The following SUMF2 variants were observed in gnomAD, a reference collection of about 807,000 sequenced individuals.
SUMF2 encodes sulfatase modifying factor 2.
SUMF2 carries 45 observed loss-of-function variants against 44.8 expected under a neutral mutation model. The observed-to-expected ratio is 1.00, with a 90% confidence interval of 0.79 to 1.29. The LOEUF (loss-of-function observed/expected upper bound fraction) is 1.29. SUMF2 is among the 50% of genes most tolerant of loss of function. SUMF2 has a pLI of 0.00. For synonymous variants in SUMF2, 148 were observed against 150.4 expected, an observed-to-expected ratio of 0.98 and a Z score of 0.12; for missense variants, 418 against 389.9, an observed-to-expected ratio of 1.07 and a Z score of -0.61.
the SUMF2 span, among the ~76,000 whole-genome samples, chr7:56,086,248 G>A: frequency 2.6e-5 from 4 of 151,902 alleles, no homozygotes; most frequent in Non-Finnish European, 5.9e-5. Flanking sequence ...ACCCCCAGTG[G>A]ATGCCTGAAA....
chr7:56,076,484 C>A, intron 5 of SUMF2: 1 of 192,520 alleles, frequency 5.2e-6, no homozygotes, highest in Non-Finnish European at 1.1e-5. Context: ...TTAATATGAC[C>A]TGTGAGGTTG....
chr7:56,079,867 A>T lies in SUMF2; in HGVS notation c.*255A>T, dbSNP rs892232418. On this transcript the variant is annotated 3_prime_UTR_variant, in exon 9 of 9. Coordinates refer to ENST00000434526, the MANE Select transcript of SUMF2 (RefSeq NM_015411.4). ...GTGTTTCTGTTAGAGGCCAAGTATT[A>T]TTGACACAGGATTGCAAACACACAA... The T allele has an allele frequency of 6.5e-7, 1 of 1,544,470 alleles. No individual in the cohort carries two copies. Among genetic ancestry groups the T allele is most frequent in the Non-Finnish European group, 8.8e-7 (1 of 1,142,714 alleles).
intron 1 of SUMF2, among the ~76,000 whole-genome samples, chr7:56,066,082 C>CAAAAAAAAAAAAAAAAAAAAAAAAA (rs71015176): frequency 1.4e-5 from 1 of 69,686 alleles, no homozygotes; most frequent in African/African-American, 5.6e-5. Flanking sequence ...CTCCGCCTCA[C>CAAAAAAAAAAAAAAAAAAAAAAAAA]AAAAAAAAAA....
At chr7:56,064,407 G>C in intron 1 of SUMF2, 29 bp downstream of exon 1, 8 of 1,586,088 alleles carry the variant, frequency 5.0e-6, no homozygotes, top group Non-Finnish European at 6.9e-6. Context: ...CATCCTGGGG[G>C]CGCTGGGAAG....
In SUMF2 at chr7:56,072,902, T is replaced by C; in HGVS notation, c.225-95T>C. 7 of 823,556 alleles carry C rather than the reference T, an allele frequency of 8.5e-6. No individual in the cohort carries two copies. The South Asian group carries it at 9.4e-5, about 11-fold the overall frequency. The allele number at this position is 823,556 out of a possible 1,614,324, so 51.0% of individuals were successfully genotyped here. The stretch of plus-strand genomic sequence containing the variant: ...CATGAACACTCTGTGGTGTATAACT[T>C]ACAGGACAGGGATATCTGAAGTTTC... On this transcript the variant is annotated intron_variant, in intron 2 of 8. Coordinates refer to ENST00000434526, the MANE Select transcript of SUMF2 (RefSeq NM_015411.4).
intron 2 of SUMF2, 60 bp from the exon 3 acceptor site, chr7:56,072,937 G>C: frequency 7.9e-7 from 1 of 1,269,592 alleles, no homozygotes; most frequent in Non-Finnish European, 1.1e-6. Context: ...CCTGGAGCAG[G>C]AGAAGATGGG....
intron 5 of SUMF2, among the ~76,000 whole-genome samples, chr7:56,075,549 A>T (rs1429802231): frequency 4.0e-5 from 6 of 151,718 alleles, no homozygotes; most frequent in African/African-American, 1.2e-4. Flanking sequence ...ACAAAAAAAA[A>T]TTAGCTGGGC....
At chr7:56,087,810 C>G in the SUMF2 span, 3 of 1,579,886 alleles carry the variant, frequency 1.9e-6, no homozygotes, top group Admixed American at 3.4e-5. Flanking sequence ...CCTCGGGGGG[C>G]CCCTCACCCC....
chr7:56,082,464 G>A (rs183275286), downstream of SUMF2, among the ~76,000 whole-genome samples: 36 of 152,214 alleles, frequency 2.4e-4, no homozygotes, highest in African/African-American at 8.2e-4. Context: ...GTGGTGGCAT[G>A]TGCCTGTAGT....
chr7:56,071,785 A>AAAAT (rs71015179), intron 2 of SUMF2, among the ~76,000 whole-genome samples: 32,198 of 144,982 alleles, frequency 0.22, 3,676 homozygotes, highest in East Asian at 0.42. Context: ...ACTCCGTCTA[A>AAAAT]AAATAAATAA....
At chr7:56,066,293 G>C (rs751836772) in intron 1 of SUMF2, among the ~76,000 whole-genome samples, 4 of 152,088 alleles carry the variant, frequency 2.6e-5, no homozygotes, top group Non-Finnish European at 4.4e-5. Context: ...TGCATCAGCT[G>C]AAGCAGTATG....
downstream of SUMF2, chr7:56,083,474 C>A: frequency 6.2e-7 from 1 of 1,611,502 alleles, no homozygotes; most frequent in Non-Finnish European, 8.5e-7. Context: ...TACTCTTCCT[C>A]TGCTCAGGGT....
chr7:56,079,987 T>TTG lies in SUMF2; in HGVS notation c.*377_*378dup, dbSNP rs1795873222. On this transcript the variant is annotated 3_prime_UTR_variant, in exon 9 of 9. Transcript: ENST00000434526. Reference sequence around the variant, plus strand: ...CCCTGGATGATTCAGGAAGCTGACATTGTTTCCTCAAGGCAGAATTTTCCT... The same window carrying TTG: ...CCCTGGATGATTCAGGAAGCTGACATTGTGTTTCCTCAAGGCAGAATTTTCCT... 5.7e-6 allele frequency: 6 copies of TTG among 1,045,108 alleles called. No homozygotes were observed. The highest frequency in any genetic ancestry group is 8.2e-6 in the Non-Finnish European group (6 of 733,678). 64.7% of individuals were successfully genotyped at this position (1,045,108 alleles called of 1,614,324 possible). A position where few individuals can be genotyped will look rare whatever the true frequency, so the allele number is the denominator to read the frequency against.
downstream of SUMF2, chr7:56,081,230 G>A (rs776637838): frequency 1.9e-5 from 30 of 1,613,494 alleles, no homozygotes; most frequent in South Asian, 4.4e-5. This position sits in a 1 kb window ranked among gnomAD's most constrained non-coding sequence, Gnocchi z 4.6. Context: ...ACGATCTCCC[G>A]GGTCACAGGC....
At position 56,078,489 on chromosome 7, in the gene SUMF2, C is replaced by G; in HGVS notation, c.802C>G (p.Arg268Gly). The change falls in exon 8 of 9, where the codon CGG becomes GGG. Residue 268 changes from arginine to glycine, a missense_variant. Physicochemically the swap from Arg to Gly is moderately radical, Grantham distance 125. Coordinates refer to ENST00000434526, the MANE Select transcript of SUMF2 (RefSeq NM_015411.4). ...IDTADGSANH[R>G]ARVTTRMGNT... ...CACAGCTGATGGCTCTGCCAATCAC[C>G]GGGCCCGGGTCACCACCAGGTAAGG... 6.3e-7 allele frequency: 1 copy of G among 1,580,896 alleles called. No homozygotes were observed. Among genetic ancestry groups the G allele is most frequent in the Non-Finnish European group, 8.6e-7 (1 of 1,162,750 alleles).
intron 1 of SUMF2, among the ~76,000 whole-genome samples, chr7:56,067,115 A>G (rs1056233241): frequency 6.6e-6 from 1 of 152,212 alleles, no homozygotes; most frequent in African/African-American, 2.4e-5. Context: ...GTGGAGAGGA[A>G]GAGGCAGAGA....
downstream of SUMF2, chr7:56,082,068 G>A: frequency 6.2e-7 from 1 of 1,610,010 alleles, no homozygotes; most frequent in Non-Finnish European, 8.5e-7. Context: ...AGGGCCCAGG[G>A]CCACTTACCC....
chr7:56,081,600 C>T, downstream of SUMF2: 5 of 1,609,746 alleles, frequency 3.1e-6, no homozygotes, highest in Non-Finnish European at 4.2e-6. This position sits in a 1 kb window ranked among gnomAD's most constrained non-coding sequence, Gnocchi z 4.6. Flanking sequence ...ACTTAGGGAG[C>T]TGGCGGGCCT....
chr7:56,083,730 G>T, downstream of SUMF2: 3 of 1,555,512 alleles, frequency 1.9e-6, no homozygotes, highest in Non-Finnish European at 2.6e-6. Flanking sequence ...GGAAACAGAG[G>T]GTTGATAGCT....
Sources: gnomAD v4.1 joint callset for allele counts (sites outside exome capture counted in the v4.1 genomes callset) on GRCh38, gnomAD v4.1.1 for gene constraint, Gnocchi (gnomAD v3.1) non-coding constraint, MANE v1.5 for transcripts, NCBI Gene and HGNC (gene_info 2026-07-23, HGNC 2026-07-21) for gene names.